SEMA6A: variants seen among roughly 807,000 people sequenced by gnomAD.
SEMA6A encodes the protein semaphorin-6A.
SEMA6A carries 25 observed loss-of-function variants against 96.8 expected under a neutral mutation model. The observed-to-expected ratio is 0.26, with a 90% CI of 0.19 to 0.36. The LOEUF (loss-of-function observed/expected upper bound fraction) is 0.36. Among genes scored for constraint, SEMA6A ranks in the 10% least tolerant of loss-of-function variants. SEMA6A has a pLI of 1.00. For synonymous variants in SEMA6A, 612 were observed against 518.0 expected (o/e 1.18, Z -2.46); for missense variants, 1,363 against 1,323.1 (o/e 1.03, Z -0.47).
At position 116,447,177 on chromosome 5, in the gene SEMA6A, C is replaced by T. The variant is rs1219360473; in HGVS notation, c.2529G>A (p.Leu843=). ...PKMSEVAQMA[L]EDQAATLEYK... is the part of the protein sequence containing the mutation. Reference sequence around the variant, plus strand: ...ACTCCAGTGTGGCGGCCTGGTCCTCCAGCGCCATCTGGGCCACCTCGCTCA... The same window carrying T: ...ACTCCAGTGTGGCGGCCTGGTCCTCTAGCGCCATCTGGGCCACCTCGCTCA... The change falls in exon 19 of 19, where the codon CTG becomes CTA. Residue 843 remains leucine, a synonymous_variant. Transcript: ENST00000343348. 3.7e-6 allele frequency: 6 copies of T among 1,613,884 alleles called. No homozygotes were observed. The highest frequency in any genetic ancestry group is 5.1e-6 in the Non-Finnish European group (6 of 1,179,896).
At chr5:116,478,416 A>T (rs1212940314) in intron 13 of SEMA6A, 126 bp downstream of exon 13, 34 of 1,062,410 alleles carry the variant, frequency 3.2e-5, no homozygotes, top group Non-Finnish European at 2.7e-6. Flanking sequence ...TTAAATTTTT[A>T]CAAACAGCAC....
chr5:116,552,488 C>T (rs1343941573), intron 1 of SEMA6A, among the ~76,000 whole-genome samples: 2 of 152,110 alleles, frequency 1.3e-5, no homozygotes, highest in African/African-American at 2.4e-5. Context: ...CTTTCTGGGT[C>T]AACTGATGAT....
intron 18 of SEMA6A, among the ~76,000 whole-genome samples, chr5:116,461,827 T>C (rs1272968454): frequency 6.6e-6 from 1 of 152,198 alleles, no homozygotes; most frequent in African/African-American, 2.4e-5. Flanking sequence ...TGTTTGATAT[T>C]TCTTGGACAG....
intron 18 of SEMA6A, among the ~76,000 whole-genome samples, chr5:116,464,460 G>C (rs933147663): frequency 6.6e-6 from 1 of 152,194 alleles, no homozygotes; most frequent in Non-Finnish European, 1.5e-5. Flanking sequence ...TACTGAGAGA[G>C]AAAATTACTT....
Position 116,486,820 on chromosome 5 carries a change from C to A in SEMA6A, c.891G>T (p.Gln297His). The stretch of plus-strand genomic sequence containing the variant: ...TGATACGAATCACATCTGTAACTGC[C>A]TGGAGAATGTTGAAATAAAAATGAG... ...GDSHFYFNIL[Q>H]AVTDVIRING... The change falls in exon 10 of 19, where the codon CAG becomes CAT. Residue 297 changes from glutamine (Q) to histidine (H), a missense_variant. Physicochemically the swap from Gln to His is conservative, Grantham distance 24. Around this residue, in one of 2 missense-constraint regions of SEMA6A, gnomAD observed 480 missense variants for 559.5 expected, o/e 0.86. Transcript: ENST00000343348. 6.2e-7 allele frequency: 1 copy of A among 1,613,838 alleles called. No individual in the cohort carries two copies. Among genetic ancestry groups the A allele is most frequent in the Non-Finnish European group, 8.5e-7 (1 of 1,179,794 alleles).
chr5:116,535,405 G>T (rs1759663932), intron 1 of SEMA6A, among the ~76,000 whole-genome samples: 1 of 152,210 alleles, frequency 6.6e-6, no homozygotes, highest in African/African-American at 2.4e-5. Flanking sequence ...AAACTGCAGT[G>T]ATGAGCAAAA....
At chr5:116,568,838 A>G (rs980988901) in intron 1 of SEMA6A, among the ~76,000 whole-genome samples, 1 of 151,888 alleles carries the variant, frequency 6.6e-6, no homozygotes, top group African/African-American at 2.4e-5. Context: ...ACACACACAC[A>G]CACACACACA....
chr5:116,447,876 G>T, intron 18 of SEMA6A, 65 bp from the exon 19 acceptor site: 1 of 1,318,222 alleles, frequency 7.6e-7, no homozygotes. Flanking sequence ...TTTTTGCTTG[G>T]CATTCACCTT....
rs1754332984 is a variant in SEMA6A at position 116,447,705 on chromosome 5, G to A, written c.2001C>T (p.Gly667=). Reference sequence around the variant, plus strand: ...GATCACAGACGCAGTAGACGGTGATGCCCGAGAAGACGGCCCCCATGACGA... The same window carrying A: ...GATCACAGACGCAGTAGACGGTGATACCCGAGAAGACGGCCCCCATGACGA... ...LAFVMGAVFS[G]ITVYCVCDHR... is the part of the protein sequence containing the mutation. The change falls in exon 19 of 19, where the codon GGC becomes GGT. Residue 667 remains glycine (G), a synonymous_variant. Transcript: ENST00000343348. The A allele has an allele frequency of 6.2e-7, 1 of 1,613,998 alleles. No homozygotes were observed. Among genetic ancestry groups the A allele is most frequent in the African/African-American group, 1.3e-5 (1 of 75,050 alleles).
chr5:116,504,959 G>A lies in SEMA6A; in HGVS notation c.-15C>T. ...TCTGACCTCATAGTAGTTCAGCGGG[G>A]AGACTTTATTTCTCTACTTCACCCT... On this transcript the variant is annotated 5_prime_UTR_variant, in exon 2 of 19. Coordinates refer to ENST00000343348, the MANE Select transcript of SEMA6A (RefSeq NM_020796.5). 1.3e-6 allele frequency: 2 copies of A among 1,555,286 alleles called. No individual in the cohort carries two copies. Among genetic ancestry groups the A allele is most frequent in the Non-Finnish European group, 8.8e-7 (1 of 1,142,468 alleles).
At chr5:116,512,455 T>A (rs1164422375) in intron 1 of SEMA6A, among the ~76,000 whole-genome samples, 1 of 152,002 alleles carries the variant, frequency 6.6e-6, no homozygotes, top group African/African-American at 2.4e-5. Flanking sequence ...TTTTGGAGAG[T>A]GATGATGGCA....
At chr5:116,487,314 C>T (rs1757103329) in intron 9 of SEMA6A, 2 of 233,312 alleles carry the variant, frequency 8.6e-6, no homozygotes, top group South Asian at 5.7e-5. Flanking sequence ...TCACTAGCTG[C>T]CTCTGGGCCC....
Position 116,488,937 on chromosome 5 carries a change from TC to T in SEMA6A, c.605del (p.Gly202GlufsTer16). 1 of 1,589,710 alleles carries T rather than the reference TC, an allele frequency of 6.3e-7. No homozygotes were observed. The highest frequency in any genetic ancestry group is 1.8e-5 in the Admixed American group (1 of 56,810). ...TGACGGTCCGCAGGGTAGGGCTTTC[TC>T]CAAGACTCCGGTAAATGACTGCGTC... is the stretch of plus-strand genomic sequence containing the variant. ...AIDAVIYRSL[G>X]ESPTLRTVKH... On this transcript the variant is annotated frameshift_variant, in exon 8 of 19. Transcript: ENST00000343348. LOFTEE classifies it high-confidence loss of function.
At chr5:116,525,379 T>G (rs1580474526) in intron 1 of SEMA6A, among the ~76,000 whole-genome samples, 2 of 152,296 alleles carry the variant, frequency 1.3e-5, no homozygotes, top group African/African-American at 2.4e-5. Flanking sequence ...TCCTGGCCCA[T>G]GAAGAGTTAT....
chr5:116,465,125 G>A (rs531668376), intron 18 of SEMA6A, among the ~76,000 whole-genome samples: 3 of 152,256 alleles, frequency 2.0e-5, no homozygotes, highest in Non-Finnish European at 2.9e-5. Context: ...CTTGCATCCC[G>A]GGAGATGCTG....
intron 18 of SEMA6A, among the ~76,000 whole-genome samples, chr5:116,461,900 G>C (rs1755428754): frequency 6.6e-6 from 1 of 152,104 alleles, no homozygotes; most frequent in African/African-American, 2.4e-5. Context: ...GCACCACAGA[G>C]CCAGTGATAA....
Position 116,536,866 on chromosome 5 carries a change from TAAAAAAAAA to T in SEMA6A, c.-38-31893_-38-31885del, listed in dbSNP as rs72214884. Among the ~76,000 whole-genome samples the T allele has an allele frequency of 2.5e-3, 174 of 69,520 alleles. 2 individuals are homozygous for T. Among genetic ancestry groups the T allele is most frequent in the African/African-American group, 7.8e-3 (164 of 21,024 alleles). 45.6% of individuals were successfully genotyped at this position (69,520 alleles called of 152,430 possible). ...TTTATTCAGTCCCCGTGTGATTTCT[TAAAAAAAAA>T]AAAAAAAAAAAAAAAAAAAGCAAAA... On this transcript the variant is annotated intron_variant, in intron 1 of 18. Coordinates refer to ENST00000343348, the MANE Select transcript of SEMA6A (RefSeq NM_020796.5).
intron 17 of SEMA6A, chr5:116,468,050 A>C: frequency 3.0e-6 from 1 of 328,412 alleles, no homozygotes; most frequent in East Asian, 6.0e-5. Flanking sequence ...GGATAAAGAT[A>C]CCTCTCGGTG....
At chr5:116,454,813 TGTGTGTGTGCGC>T (rs999700940) in intron 18 of SEMA6A, among the ~76,000 whole-genome samples, 2 of 148,248 alleles carry the variant, frequency 1.3e-5, no homozygotes, top group East Asian at 2.0e-4. Flanking sequence ...TGTGTGTGCA[TGTGTGTGTGCGC>T]GTGTGTGTGT....
Sources: gnomAD v4.1 joint callset for allele counts (sites outside exome capture counted in the v4.1 genomes callset) on GRCh38, gnomAD v4.1.1 for gene constraint, gnomAD v4.1.1 regional missense constraint, MANE v1.5 for transcripts, NCBI Gene and HGNC (gene_info 2026-07-23, HGNC 2026-07-21) for gene names.